The following SLC66A2 variants were observed in gnomAD, a reference collection of about 807,000 sequenced individuals.
SLC66A2 encodes solute carrier family 66 member 2.
In SLC66A2, 23 loss-of-function variants were observed where a neutral mutation model predicts 25.5. That is an observed-to-expected ratio of 0.90 (90% CI 0.65 to 1.28). SLC66A2 has a LOEUF of 1.28. Ranked by LOEUF, SLC66A2 falls within the 50% of genes most tolerant of loss-of-function variation. The probability of loss-of-function intolerance (pLI) is 0.00; values close to 1 mark genes in which losing one functional copy is unlikely to be tolerated. For synonymous variants in SLC66A2, 193 were observed against 166.5 expected (o/e 1.16, Z -1.23); for missense variants, 396 against 373.1 (o/e 1.06, Z -0.51).
At chr18:79,916,030 A>ATACCCACGGTGCTCCCG (rs1983985711) in intron 5 of SLC66A2, 1 of 201,138 alleles carries the variant, frequency 5.0e-6, no homozygotes, top group Non-Finnish European at 1.0e-5. Flanking sequence ...GTACCCTCCC[A>ATACCCACGGTGCTCCCG]TACCCACGGT....
chr18:79,925,026 A>C (rs1367767193), intron 4 of SLC66A2: 4 of 152,346 alleles, frequency 2.6e-5, no homozygotes, highest in African/African-American at 7.2e-5. Flanking sequence ...GACACGGGGG[A>C]CACCTGGTGG....
At position 79,943,480 on chromosome 18, in the gene SLC66A2, T is replaced by C. The variant is rs530108696; in HGVS notation, c.204-18A>G. On this transcript the variant is annotated intron_variant, in intron 2 of 5. Coordinates refer to ENST00000397778, the MANE Select transcript of SLC66A2 (RefSeq NM_025078.5). ...TTCCAAACCTGCGGGAGAGACACTG[T>C]GTCAGGAGGGAGGTCCACCCATGCC... 577 of 1,610,430 alleles carry C rather than the reference T, an allele frequency of 3.6e-4. 4 individuals are homozygous for C. In the South Asian group the frequency reaches 6.1e-3, roughly 17 times the overall value.
At chr18:79,933,156 T>C (rs1023143000) in intron 4 of SLC66A2, among the ~76,000 whole-genome samples, 4 of 152,162 alleles carry the variant, frequency 2.6e-5, no homozygotes, top group Admixed American at 6.5e-5. Context: ...CAAAAATCAA[T>C]CAATGTAGTA....
In SLC66A2 at chr18:79,940,869, G is replaced by A. The variant is rs1306377613; in HGVS notation, c.337+2460C>T. On this transcript the variant is annotated intron_variant, in intron 3 of 5. Transcript: ENST00000397778. This position sits in a 1 kb window ranked among gnomAD's most constrained non-coding sequence, Gnocchi z 4.1. ...ACACCCCAGGACACAGAGCTCAAGA[G>A]CGGATGTCCCACTTGAGGTCATTTG... Among the ~76,000 whole-genome samples, 1 of 152,132 alleles carries A rather than the reference G, an allele frequency of 6.6e-6. No individual in the cohort carries two copies. The highest frequency in any genetic ancestry group is 1.5e-5 in the Non-Finnish European group (1 of 68,020).
intron 2 of SLC66A2, chr18:79,944,711 C>A (rs1395397199): frequency 6.6e-6 from 1 of 152,428 alleles, no homozygotes; most frequent in African/African-American, 2.4e-5. Context: ...TTGAACTGGT[C>A]ACCAACATGT....
intron 4 of SLC66A2, among the ~76,000 whole-genome samples, chr18:79,923,741 C>T (rs995247025): frequency 6.6e-6 from 1 of 152,120 alleles, no homozygotes; most frequent in Admixed American, 6.5e-5. Flanking sequence ...AAAGATAAAC[C>T]GGACTTCATC....
intron 2 of SLC66A2, among the ~76,000 whole-genome samples, chr18:79,948,381 G>A (rs1271047366): frequency 1.3e-5 from 2 of 152,112 alleles, no homozygotes; most frequent in Non-Finnish European, 2.9e-5. Flanking sequence ...TTGAGACAGG[G>A]TCTCTCTCTG....
At chr18:79,916,612 G>A (rs1984196066) in intron 5 of SLC66A2, among the ~76,000 whole-genome samples, 1 of 152,230 alleles carries the variant, frequency 6.6e-6, no homozygotes, top group Admixed American at 6.5e-5. Flanking sequence ...GCTTTGGGAG[G>A]CTCCGGGGAG....
Position 79,950,985 on chromosome 18 carries a change from C to T in SLC66A2, c.-59G>A. On this transcript the variant is annotated 5_prime_UTR_variant, in exon 2 of 6. Transcript: ENST00000397778. Reference sequence around the variant, plus strand: ...TCCGCGCCCCGCGGGCCACCGGCCGCCTGCTCATCGCCGCTCCGCGCGCTC... The same window carrying T: ...TCCGCGCCCCGCGGGCCACCGGCCGTCTGCTCATCGCCGCTCCGCGCGCTC... The T allele has an allele frequency of 7.5e-7, 1 of 1,335,090 alleles. No individual in the cohort carries two copies. Among genetic ancestry groups the T allele is most frequent in the Non-Finnish European group, 9.8e-7 (1 of 1,018,292 alleles). 82.7% of individuals were successfully genotyped at this position (1,335,090 alleles called of 1,614,324 possible).
chr18:79,903,644 G>A lies in SLC66A2; in HGVS notation c.*332C>T, dbSNP rs1981564390. On this transcript the variant is annotated 3_prime_UTR_variant, in exon 6 of 6. Transcript: ENST00000397778. Reference sequence around the variant, plus strand: ...CTGGCCCGTGTGTCCACCTGGAGCAGGTTCCTGCAGGCCGCCCAATGTGTA... The same window carrying A: ...CTGGCCCGTGTGTCCACCTGGAGCAAGTTCCTGCAGGCCGCCCAATGTGTA... 1.1e-5 allele frequency: 4 copies of A among 349,220 alleles called. No homozygotes were observed. Among genetic ancestry groups the A allele is most frequent in the Non-Finnish European group, 2.1e-5 (4 of 191,950 alleles). 21.6% of individuals were successfully genotyped at this position (349,220 alleles called of 1,614,324 possible). A position where few individuals can be genotyped will look rare whatever the true frequency, so the allele number is the denominator to read the frequency against.
Position 79,904,427 on chromosome 18 carries a change from C to A in SLC66A2, c.609-244G>T, listed in dbSNP as rs1401011927. On this transcript the variant is annotated intron_variant, in intron 5 of 5. Coordinates refer to ENST00000397778, the MANE Select transcript of SLC66A2 (RefSeq NM_025078.5). The surrounding 1 kb of genome is among the most constrained non-coding windows in gnomAD (Gnocchi z 6.3). ...ACACCCCAGGGGGCCAAAGGACACACCCTGACCCCACCTGTCCCATGCAAC... is the reference window on the plus strand; with the variant it reads ...ACACCCCAGGGGGCCAAAGGACACAACCTGACCCCACCTGTCCCATGCAAC... 6.6e-6 allele frequency among the ~76,000 whole-genome samples: 1 copy of A among 152,024 alleles called. No homozygotes were observed. Among genetic ancestry groups the A allele is most frequent in the African/African-American group, 2.4e-5 (1 of 41,386 alleles).
At chr18:79,907,109 C>G (rs1982227469) in intron 5 of SLC66A2, among the ~76,000 whole-genome samples, 1 of 152,156 alleles carries the variant, frequency 6.6e-6, no homozygotes, top group Admixed American at 6.5e-5. Context: ...TCTTGTGTTT[C>G]TTTTTAAATT....
At chr18:79,910,662 T>C (rs573454428) in intron 5 of SLC66A2, among the ~76,000 whole-genome samples, 10 of 152,348 alleles carry the variant, frequency 6.6e-5, no homozygotes, top group African/African-American at 1.9e-4. Context: ...ACAAATCCTA[T>C]ATAAAGGACC....
rs1280675110 is a variant in SLC66A2 at position 79,927,894 on chromosome 18, T to C, written c.391+6075A>G. ...TGCCCTAACAGCTGCTGAGACACAT[T>C]CCTGCAGCCGCCTCAGCTAGAGCCA... On this transcript the variant is annotated intron_variant, in intron 4 of 5. Transcript: ENST00000397778. The surrounding 1 kb of genome is among the most constrained non-coding windows in gnomAD (Gnocchi z 6.2). Among the ~76,000 whole-genome samples, 1 of 152,186 alleles carries C rather than the reference T, an allele frequency of 6.6e-6. No individual in the cohort carries two copies. Among genetic ancestry groups the C allele is most frequent in the African/African-American group, 2.4e-5 (1 of 41,436 alleles).
Position 79,941,104 on chromosome 18 carries a change from G to C in SLC66A2, c.337+2225C>G, listed in dbSNP as rs1987627016. ...AAACGTGGCAGCCACAATGCAGGCTGATTATCTTAATTCTGGAGGCCAGAG... is the reference window on the plus strand; with the variant it reads ...AAACGTGGCAGCCACAATGCAGGCTCATTATCTTAATTCTGGAGGCCAGAG... On this transcript the variant is annotated intron_variant, in intron 3 of 5. Coordinates refer to ENST00000397778, the MANE Select transcript of SLC66A2 (RefSeq NM_025078.5). This position sits in a 1 kb window ranked among gnomAD's most constrained non-coding sequence, Gnocchi z 4.1. 6.6e-6 allele frequency among the ~76,000 whole-genome samples: 1 copy of C among 152,184 alleles called. No individual in the cohort carries two copies. The highest frequency in any genetic ancestry group is 2.1e-4 in the South Asian group (1 of 4,836).
intron 3 of SLC66A2, among the ~76,000 whole-genome samples, chr18:79,935,634 C>T (rs928356857): frequency 6.6e-6 from 1 of 152,192 alleles, no homozygotes; most frequent in African/African-American, 2.4e-5. Flanking sequence ...AAAAAAGATA[C>T]AGCTTCCACC....
At chr18:79,915,088 A>G (rs910195740) in intron 5 of SLC66A2, among the ~76,000 whole-genome samples, 13 of 152,214 alleles carry the variant, frequency 8.5e-5, no homozygotes, top group Non-Finnish European at 1.6e-4. Context: ...CAGGCCATGC[A>G]GAGGCAACGT....
intron 5 of SLC66A2, among the ~76,000 whole-genome samples, chr18:79,910,110 CAT>C (rs1254724344): frequency 1.6e-5 from 2 of 126,582 alleles, no homozygotes; most frequent in East Asian, 2.8e-4. Flanking sequence ...ACACCCTCAC[CAT>C]AGAGTCCCCA....
In SLC66A2 at chr18:79,919,249, G is replaced by A. The variant is rs114428753; in HGVS notation, c.543C>T (p.Thr181=). ...VETLGFLAVL[T]EAMLGVPQLY... Reference sequence around the variant, plus strand: ...GCTGGGGCACACCCAGCATGGCTTCGGTCAGCACAGCCAGGAAGCCCAGGG... The same window carrying A: ...GCTGGGGCACACCCAGCATGGCTTCAGTCAGCACAGCCAGGAAGCCCAGGG... Residue 181 remains threonine, a synonymous_variant, in exon 5 of 6, where the codon ACC becomes ACT. Transcript: ENST00000397778. The A allele has an allele frequency of 7.4e-4, 1,192 of 1,613,278 alleles. 3 individuals carry two copies. The African/African-American group carries it at 0.014, about 18-fold the overall frequency.
Sources: allele counts gnomAD v4.1 joint callset (sites outside exome capture counted in the v4.1 genomes callset), GRCh38; gene constraint gnomAD v4.1.1; non-coding constraint Gnocchi (gnomAD v3.1); transcripts MANE v1.5; gene names NCBI Gene and HGNC (gene_info 2026-07-23, HGNC 2026-07-21).